PCDH15: variants seen among roughly 807,000 people sequenced by gnomAD.
PCDH15 encodes the protein protocadherin related 15, also known as protocadherin-15.
A neutral mutation model predicts 178.5 loss-of-function variants in PCDH15; 129 were observed. That is an observed-to-expected ratio of 0.72 (90% confidence interval 0.63 to 0.84). The LOEUF is 0.84. PCDH15 is among the 40% of genes least tolerant of loss of function. The probability of loss-of-function intolerance (pLI) is 0.00; values close to 1 mark genes in which losing one functional copy is unlikely to be tolerated. For missense variants in PCDH15, 2,230 were observed against 2,099.9 expected, an observed-to-expected ratio of 1.06 and a Z score of -1.21; for synonymous variants, 800 against 732.0, an observed-to-expected ratio of 1.09 and a Z score of -1.50.
chr10:54,138,049 C>T (rs772468908), intron 14 of PCDH15, among the ~76,000 whole-genome samples: 6 of 152,102 alleles, frequency 3.9e-5, no homozygotes, highest in African/African-American at 4.8e-5. Flanking sequence ...CATCTGCACC[C>T]GGATAGGTGA....
chr10:55,350,258 TATATATATATACACAC>T (rs1287720791), intron 2 of PCDH15, among the ~76,000 whole-genome samples: 1,423 of 69,048 alleles, frequency 0.021, 44 homozygotes, highest in African/African-American at 0.085. Flanking sequence ...TATATATATA[TATATATATATACACAC>T]ACACACACAC....
chr10:55,412,869 TCAA>T (rs1480797598), intron 2 of PCDH15, among the ~76,000 whole-genome samples: 3 of 126,568 alleles, frequency 2.4e-5, no homozygotes, highest in Non-Finnish European at 4.9e-5. Context: ...AAAGATTAAT[TCAA>T]CAATAATCAC....
At chr10:53,865,759 T>C (rs1484001516) in intron 27 of PCDH15, among the ~76,000 whole-genome samples, 1 of 152,144 alleles carries the variant, frequency 6.6e-6, no homozygotes, top group East Asian at 1.9e-4. Context: ...AAAGCATTGA[T>C]GTCTGCATGT....
chr10:54,385,332 G>A (rs1472259938), intron 3 of PCDH15, among the ~76,000 whole-genome samples: 2 of 151,598 alleles, frequency 1.3e-5, no homozygotes, highest in Non-Finnish European at 2.9e-5. Context: ...TAATAAAACA[G>A]ATGGATGTTA....
intron 21 of PCDH15, among the ~76,000 whole-genome samples, chr10:53,985,890 TA>T (rs922853798): frequency 9.9e-5 from 15 of 151,764 alleles, no homozygotes; most frequent in South Asian, 2.1e-4. Flanking sequence ...AGAGTAAACA[TA>T]AAAAAAAGAT....
At chr10:54,624,186 G>A (rs1309072684) in intron 2 of PCDH15, among the ~76,000 whole-genome samples, 1 of 151,796 alleles carries the variant, frequency 6.6e-6, no homozygotes, top group Non-Finnish European at 1.5e-5. Context: ...CTTAAAATAG[G>A]GTAAAGAAAT....
chr10:55,086,079 A>G (rs1312221510), intron 2 of PCDH15, among the ~76,000 whole-genome samples: 1 of 151,742 alleles, frequency 6.6e-6, no homozygotes, highest in Non-Finnish European at 1.5e-5. Flanking sequence ...TATTATTTTT[A>G]TATTTTCTAA....
chr10:54,109,772 T>C lies in PCDH15; in HGVS notation c.1918-19709A>G, dbSNP rs537426294. Among the ~76,000 whole-genome samples the C allele has an allele frequency of 2.6e-5, 4 of 152,290 alleles. No homozygotes were observed. In the East Asian group the frequency reaches 5.8e-4, roughly 22 times the overall value. ...GTTAAAAAGAATGAATAAGACTTAG[T>C]ATTTGTTAGGACAACAAAGTGACTA... On this transcript the variant is annotated intron_variant, in intron 15 of 37. Coordinates refer to ENST00000644397, the MANE Select transcript of PCDH15 (RefSeq NM_001384140.1).
At chr10:55,574,242 A>G (rs936206060) in intron 2 of PCDH15, among the ~76,000 whole-genome samples, 1 of 152,018 alleles carries the variant, frequency 6.6e-6, no homozygotes, top group Non-Finnish European at 1.5e-5. Flanking sequence ...CATACCATAT[A>G]TACAATATGA....
intron 2 of PCDH15, among the ~76,000 whole-genome samples, chr10:55,084,029 T>C (rs1033957193): frequency 4.0e-5 from 6 of 151,886 alleles, no homozygotes; most frequent in African/African-American, 7.2e-5. Flanking sequence ...ATGTAATTCC[T>C]ATCAAAATAT....
intron 1 of PCDH15, among the ~76,000 whole-genome samples, chr10:54,700,959 G>C (rs2095302370): frequency 6.6e-6 from 1 of 152,120 alleles, no homozygotes; most frequent in South Asian, 2.1e-4. Context: ...AATGCTGCTA[G>C]AAAGAGGCAG....
chr10:54,243,378 G>C (rs1294024799), intron 8 of PCDH15, among the ~76,000 whole-genome samples: 2 of 152,074 alleles, frequency 1.3e-5, no homozygotes, highest in Non-Finnish European at 2.9e-5. Flanking sequence ...ATGGTGGCGG[G>C]CGCCTGTAGT....
intron 2 of PCDH15, among the ~76,000 whole-genome samples, chr10:54,911,883 T>C (rs1004402745): frequency 2.0e-5 from 3 of 152,174 alleles, no homozygotes; most frequent in African/African-American, 7.2e-5. Flanking sequence ...GAACTGTGAG[T>C]CAATTAAACC....
At chr10:55,557,348 T>C (rs1481121937) in intron 2 of PCDH15, among the ~76,000 whole-genome samples, 3 of 152,160 alleles carry the variant, frequency 2.0e-5, no homozygotes, top group African/African-American at 7.2e-5. Context: ...ATTTTTACTT[T>C]TCTGGAAAAT....
intron 1 of PCDH15, among the ~76,000 whole-genome samples, chr10:55,200,135 G>A (rs917612826): frequency 6.6e-5 from 10 of 152,048 alleles, no homozygotes; most frequent in African/African-American, 2.4e-4. Flanking sequence ...AGCTTGCACT[G>A]TACACTTTGA....
At chr10:54,729,657 A>G (rs2152567) in intron 1 of PCDH15, among the ~76,000 whole-genome samples, 132,645 of 151,594 alleles carry the variant, frequency 0.88, 58,688 homozygotes, top group Middle Eastern at 0.93. Flanking sequence ...CTAGACTTCT[A>G]ACAATGGTCT....
chr10:54,066,467 A>G (rs2094138897), intron 18 of PCDH15, among the ~76,000 whole-genome samples: 1 of 152,198 alleles, frequency 6.6e-6, no homozygotes, highest in Non-Finnish European at 1.5e-5. Context: ...ATACCTAATT[A>G]CATGTTTCTG....
intron 2 of PCDH15, among the ~76,000 whole-genome samples, chr10:55,341,789 ATATATATATATATATATTTTTTTTTTT>A (rs1366050700): frequency 0.061 from 1,272 of 20,782 alleles, 48 homozygotes; most frequent in Admixed American, 0.1. Flanking sequence ...ATATATATAT[ATATATATATATATATATTTTTTTTTTT>A]TTTTTTTTTT....
intron 1 of PCDH15, among the ~76,000 whole-genome samples, chr10:54,703,344 T>G (rs147255099): frequency 0.012 from 1,835 of 151,996 alleles, 17 homozygotes; most frequent in African/African-American, 0.019. Context: ...ACTCCTACCA[T>G]TCCTATTTAA....
Sources: allele counts gnomAD v4.1 joint callset (sites outside exome capture counted in the v4.1 genomes callset), GRCh38; gene constraint gnomAD v4.1.1; transcripts MANE v1.5; gene names NCBI Gene and HGNC (gene_info 2026-07-23, HGNC 2026-07-21).